Variants in CDON observed in about 807,000 individuals in gnomAD.
The protein encoded by CDON is cell adhesion associated, oncogene regulated.
In CDON, 73 loss-of-function variants were observed where a neutral mutation model predicts 120.9. The ratio of observed to expected loss-of-function variants is 0.60; its 90% CI spans 0.50 to 0.73. The LOEUF is 0.73. Ranked by LOEUF, CDON falls within the 30% of genes least tolerant of loss-of-function variation. The pLI is 0.00. For missense variants in CDON, 1,470 were observed against 1,587.3 expected (o/e 0.93, Z 1.26); for synonymous variants, 566 against 573.5 (o/e 0.99, Z 0.19).
At chr11:126,009,942 C>G (rs1947243082) in intron 8 of CDON, among the ~76,000 whole-genome samples, 1 of 152,164 alleles carries the variant, frequency 6.6e-6, no homozygotes, top group Non-Finnish European at 1.5e-5. Context: ...ACAGGTATTA[C>G]TTAATAGTAC....
chr11:125,968,981 C>T (rs1166039816), intron 18 of CDON, among the ~76,000 whole-genome samples: 1 of 152,190 alleles, frequency 6.6e-6, no homozygotes, highest in Non-Finnish European at 1.5e-5. Flanking sequence ...TATAACCAGA[C>T]ATGATATATG....
At chr11:126,016,844 T>C (rs76739306) in intron 6 of CDON, among the ~76,000 whole-genome samples, 1 of 152,110 alleles carries the variant, frequency 6.6e-6, no homozygotes, top group Non-Finnish European at 1.5e-5. Context: ...GGGAGAATAA[T>C]TTCTATATTG....
Position 126,015,225 on chromosome 11 carries a change from C to T in CDON, c.1198+16G>A, listed in dbSNP as rs780736460. On this transcript the variant is annotated intron_variant, in intron 7 of 19. Coordinates refer to ENST00000531738, the MANE Select transcript of CDON (RefSeq NM_001378964.1). ...AAAATAAAAGTTCTTATGACTGGCA[C>T]GACCTAAAAGCCTACCATTTTCAAT... is the stretch of plus-strand genomic sequence containing the variant. The T allele has an allele frequency of 1.7e-5, 27 of 1,612,706 alleles. No individual in the cohort carries two copies. The highest frequency in any genetic ancestry group is 1.2e-4 in the South Asian group (11 of 91,030).
chr11:125,980,988 T>C, intron 17 of CDON, 61 bp downstream of exon 17: 2 of 1,551,822 alleles, frequency 1.3e-6, no homozygotes, highest in Non-Finnish European at 1.8e-6. Context: ...ATGCTGTCCC[T>C]GTTCTAGTAC....
At position 125,960,903 on chromosome 11, in the gene CDON, C is replaced by T. The variant is rs1171753556; in HGVS notation, c.*39G>A. The T allele has an allele frequency of 6.2e-6, 10 of 1,603,318 alleles. No homozygotes were observed. Among genetic ancestry groups the T allele is most frequent in the African/African-American group, 1.3e-5 (1 of 74,764 alleles). On this transcript the variant is annotated 3_prime_UTR_variant, in exon 20 of 20. Coordinates refer to ENST00000531738, the MANE Select transcript of CDON (RefSeq NM_001378964.1). Reference sequence around the variant, plus strand: ...TCCCAGGCCTGTTGTGTGCAGTTACCGGCTTGAAGTTGGAACATGACTGGT... The same window carrying T: ...TCCCAGGCCTGTTGTGTGCAGTTACTGGCTTGAAGTTGGAACATGACTGGT...
intron 7 of CDON, chr11:126,015,038 C>T: frequency 1.7e-6 from 1 of 600,022 alleles, no homozygotes; most frequent in Admixed American, 3.0e-5. Flanking sequence ...TTTTTAAAAA[C>T]TTTTTTTAAT....
chr11:125,981,488 C>T (rs1306637896), intron 16 of CDON, among the ~76,000 whole-genome samples, 159 bp from the exon 17 acceptor site: 1 of 152,134 alleles, frequency 6.6e-6, no homozygotes, highest in Non-Finnish European at 1.5e-5. Context: ...GAAGGTCTTA[C>T]AGATAAAACC....
intron 2 of CDON, among the ~76,000 whole-genome samples, chr11:126,023,099 A>C (rs1339146569): frequency 1.3e-5 from 2 of 152,196 alleles, no homozygotes; most frequent in Non-Finnish European, 2.9e-5. Context: ...CAAGTTCAGA[A>C]ATTAGTGACA....
chr11:126,035,641 C>T (rs1334195557), intron 1 of CDON, among the ~76,000 whole-genome samples: 2 of 152,096 alleles, frequency 1.3e-5, no homozygotes, highest in African/African-American at 2.4e-5. Context: ...ACATAATTGG[C>T]ACCAATTGAC....
chr11:125,960,886 C>T lies in CDON; in HGVS notation c.*56G>A, dbSNP rs891020160. The T allele has an allele frequency of 1.7e-5, 26 of 1,531,364 alleles. No individual in the cohort carries two copies. The highest frequency in any genetic ancestry group is 6.7e-5 in the Admixed American group (4 of 59,896). The allele number at this position is 1,531,364 out of a possible 1,614,324, so 94.9% of individuals were successfully genotyped here. On this transcript the variant is annotated 3_prime_UTR_variant, in exon 20 of 20. Coordinates refer to ENST00000531738, the MANE Select transcript of CDON (RefSeq NM_001378964.1). ...TCCTTCACACAGTTCGCTCCCAGGC[C>T]TGTTGTGTGCAGTTACCGGCTTGAA...
chr11:126,017,648 A>T (rs537660338), intron 5 of CDON, among the ~76,000 whole-genome samples: 10 of 152,236 alleles, frequency 6.6e-5, no homozygotes, highest in African/African-American at 2.4e-4. Context: ...CAACCGCCAT[A>T]ACCTAAAAAT....
At position 126,044,786 on chromosome 11, in the gene CDON, G is replaced by A. The variant is rs73629853; in HGVS notation, c.-62+17793C>T. ...GGGATAAAGTGGGGATGGCTAATGG[G>A]TACAAAAATAATTAGATAGAATGAA... On this transcript the variant is annotated intron_variant, in intron 1 of 19. Transcript: ENST00000531738. Among the ~76,000 whole-genome samples the A allele has an allele frequency of 7.1e-3, 1,080 of 152,060 alleles. 16 individuals carry two copies. Among genetic ancestry groups the A allele is most frequent in the African/African-American group, 0.025 (1,032 of 41,460 alleles).
intron 2 of CDON, among the ~76,000 whole-genome samples, chr11:126,022,259 C>T (rs915736286): frequency 4.6e-5 from 7 of 152,112 alleles, no homozygotes; most frequent in African/African-American, 1.4e-4. Flanking sequence ...ATTTGATTTA[C>T]GAGAGCAAGT....
At chr11:126,048,996 CGTGAG>C (rs1462659235) in intron 1 of CDON, among the ~76,000 whole-genome samples, 6 of 152,256 alleles carry the variant, frequency 3.9e-5, no homozygotes, top group Middle Eastern at 3.4e-3. Context: ...AGCCAACAGG[CGTGAG>C]CCAACAGGCG....
chr11:126,054,340 T>G (rs879926895), intron 1 of CDON, among the ~76,000 whole-genome samples: 3 of 152,206 alleles, frequency 2.0e-5, no homozygotes, highest in Admixed American at 6.5e-5. Context: ...TGCACAGAAC[T>G]ACTACATACA....
intron 7 of CDON, among the ~76,000 whole-genome samples, chr11:126,014,061 C>T (rs1350088036): frequency 1.3e-5 from 2 of 151,938 alleles, no homozygotes; most frequent in East Asian, 3.8e-4. Flanking sequence ...CAAATACATG[C>T]CAATTTTTAA....
intron 17 of CDON, among the ~76,000 whole-genome samples, chr11:125,978,907 T>C (rs1946216474): frequency 2.0e-5 from 3 of 152,224 alleles, no homozygotes; most frequent in Admixed American, 2.0e-4. Context: ...CATGCTATAT[T>C]TTTCCAGATG....
chr11:126,042,277 CAAGA>C (rs1948282875), intron 1 of CDON, among the ~76,000 whole-genome samples: 1 of 152,176 alleles, frequency 6.6e-6, no homozygotes, highest in African/African-American at 2.4e-5. Context: ...CAGAGCTGCC[CAAGA>C]AAGACTCAAC....
Position 125,981,230 on chromosome 11 carries a change from A to G in CDON, c.3095T>C (p.Val1032Ala). The G allele has an allele frequency of 6.2e-7, 1 of 1,614,198 alleles. No homozygotes were observed. Among genetic ancestry groups the G allele is most frequent in the Non-Finnish European group, 8.5e-7 (1 of 1,180,044 alleles). The change falls in exon 17 of 20, where the codon GTT becomes GCT. Residue 1032 changes from valine to alanine, a missense_variant. By Grantham distance (64) the Val-to-Ala change is moderately conservative. Transcript: ENST00000531738. ...GCCATTGGTTAGGAAGCCTCCGTGAACATTTCCATTTATCTGACTTGCTCC... is the reference window on the plus strand; with the variant it reads ...GCCATTGGTTAGGAAGCCTCCGTGAGCATTTCCATTTATCTGACTTGCTCC... ...LSGASQINGN[V>A]HGGFLTNGGL... is the part of the protein sequence containing the mutation.
Sources: allele counts gnomAD v4.1 joint callset (sites outside exome capture counted in the v4.1 genomes callset), GRCh38; gene constraint gnomAD v4.1.1; transcripts MANE v1.5; gene names NCBI Gene and HGNC (gene_info 2026-07-23, HGNC 2026-07-21).